C14orf39: variants seen among roughly 807,000 people sequenced by gnomAD.
C14orf39 encodes the protein chromosome 14 open reading frame 39.
Under a neutral mutation model 85.6 loss-of-function variants are expected in C14orf39, and 66 were observed. The observed-to-expected ratio is 0.77, with a 90% CI of 0.63 to 0.95. The LOEUF (loss-of-function observed/expected upper bound fraction) is 0.95. C14orf39 is among the 40% of genes least tolerant of loss of function. C14orf39 has a pLI of 0.00. For missense variants in C14orf39, 735 were observed against 663.9 expected (o/e 1.11, Z -1.18); for synonymous variants, 242 against 214.0 (o/e 1.13, Z -1.14).
At position 60,483,774 on chromosome 14, in the gene C14orf39, C is replaced by A. The variant is rs1892752816; in HGVS notation, c.150G>T (p.Arg50Ser). ...CTGTTGCATTTATAGTTTCGTGTAT[C>A]CTACAAATAGTTACTTTGTTTTCCT... ...DIKENKVTICRIHETINATDE... is the reference protein window; with the variant it reads ...DIKENKVTICSIHETINATDE... The change falls in exon 4 of 18, where the codon AGG becomes AGT. Residue 50 changes from arginine to serine, a missense_variant. Coordinates refer to ENST00000321731, the MANE Select transcript of C14orf39 (RefSeq NM_174978.3). The A allele has an allele frequency of 1.3e-6, 2 of 1,556,936 alleles. No individual in the cohort carries two copies. Among genetic ancestry groups the A allele is most frequent in the Non-Finnish European group, 1.8e-6 (2 of 1,132,210 alleles).
At chr14:60,454,061 C>A (rs190581683) in intron 16 of C14orf39, among the ~76,000 whole-genome samples, 1 of 151,866 alleles carries the variant, frequency 6.6e-6, no homozygotes, top group Non-Finnish European at 1.5e-5. Context: ...TCATGCCTAG[C>A]ATACTCCTAG....
In C14orf39 at chr14:60,507,565, C is replaced by T. The variant is rs149273562; in HGVS notation, c.-144+7830G>A. Among the ~76,000 whole-genome samples the T allele has an allele frequency of 6.9e-3, 1,047 of 152,292 alleles. 13 individuals are homozygous for T. The highest frequency in any genetic ancestry group is 0.023 in the African/African-American group (976 of 41,552). On this transcript the variant is annotated intron_variant, in intron 1 of 5. Coordinates refer to the C14orf39 transcript ENST00000556799. ...AGAAATGATGTAAATGGTTTCAGGG[C>T]TTTTTTCTTCCCCTCTGCTATTTTT...
intron 1 of C14orf39, chr14:60,511,227 C>A: frequency 1.2e-6 from 2 of 1,613,404 alleles, no homozygotes; most frequent in Non-Finnish European, 1.7e-6. Context: ...TCCATCACGT[C>A]CAGCGACAGC....
chr14:60,477,569 TTCTC>T (rs1394410876), intron 5 of C14orf39, among the ~76,000 whole-genome samples: 5 of 152,218 alleles, frequency 3.3e-5, no homozygotes, highest in South Asian at 4.1e-4. Context: ...TTATTGGTGT[TTCTC>T]TATTAGAATA....
intron 1 of C14orf39, chr14:60,509,954 G>C (rs1893265555): frequency 1.9e-6 from 3 of 1,605,420 alleles, no homozygotes; most frequent in African/African-American, 1.3e-5. Flanking sequence ...GGACCGAGCG[G>C]CTGCAGCCAA....
chr14:60,499,900 A>G (rs1893116087), intron 1 of C14orf39, among the ~76,000 whole-genome samples: 1 of 152,270 alleles, frequency 6.6e-6, no homozygotes, highest in Non-Finnish European at 1.5e-5. Flanking sequence ...ATTAACATGT[A>G]TAACCTCATT....
chr14:60,437,772 T>G (rs1309823264), intron 17 of C14orf39, among the ~76,000 whole-genome samples: 2 of 151,986 alleles, frequency 1.3e-5, no homozygotes, highest in South Asian at 4.1e-4. Flanking sequence ...CAACTATTAT[T>G]TATTGAGTCA....
intron 17 of C14orf39, among the ~76,000 whole-genome samples, chr14:60,440,083 A>C (rs769939018): frequency 4.6e-5 from 7 of 152,244 alleles, no homozygotes; most frequent in East Asian, 1.9e-4. Context: ...CTCAAAAAAA[A>C]AGAGGATGTA....
In C14orf39 at chr14:60,478,293, A is replaced by G; in HGVS notation, c.323+7T>C. 2.8e-6 allele frequency: 4 copies of G among 1,429,342 alleles called. No individual in the cohort carries two copies. Among genetic ancestry groups the G allele is most frequent in the Non-Finnish European group, 3.8e-6 (4 of 1,044,348 alleles). 88.5% of individuals were successfully genotyped at this position (1,429,342 alleles called of 1,614,324 possible). A position where few individuals can be genotyped will look rare whatever the true frequency, so the allele number is the denominator to read the frequency against. ...TAGAATTGATAAACTTCATATAAGT[A>G]CTATACTTGTCTTTTTCAACAGTTC... On this transcript the variant is annotated splice_region_variant and intron_variant, in intron 5 of 17. Coordinates refer to ENST00000321731, the MANE Select transcript of C14orf39 (RefSeq NM_174978.3).
upstream of C14orf39, among the ~76,000 whole-genome samples, chr14:60,486,647 A>C (rs1185294415): frequency 6.6e-6 from 1 of 152,232 alleles, no homozygotes; most frequent in Non-Finnish European, 1.5e-5. Context: ...AAAATCATTA[A>C]GCAGTTCAGT....
At chr14:60,472,400 TTTTTTC>T (rs1056383598) in intron 5 of C14orf39, among the ~76,000 whole-genome samples, 2 of 152,054 alleles carry the variant, frequency 1.3e-5, no homozygotes, top group African/African-American at 4.8e-5. Context: ...ACATTAACCT[TTTTTTC>T]TTTTTTATTA....
In C14orf39 at chr14:60,468,492, C is replaced by T. The variant is rs1258307665; in HGVS notation, c.720G>A (p.Leu240=). 1.9e-6 allele frequency: 3 copies of T among 1,595,954 alleles called. No individual in the cohort carries two copies. Among genetic ancestry groups the T allele is most frequent in the Admixed American group, 3.4e-5 (2 of 58,394 alleles). ...TTTCTGTATTTTTGTTCTTTTCTTC[C>T]AGAGTTTCTGAAAGAGCCTTAGTTT... ...HNETKALSET[L]EEKNKNTENR... Residue 240 remains leucine (L), a synonymous_variant, in exon 9 of 18, where the codon CTG becomes CTA. Coordinates refer to ENST00000321731, the MANE Select transcript of C14orf39 (RefSeq NM_174978.3).
intron 4 of C14orf39, 55 bp from the exon 5 acceptor site, chr14:60,478,444 A>G (rs1465680961): frequency 1.1e-5 from 9 of 837,884 alleles, no homozygotes; most frequent in Non-Finnish European, 1.6e-5. Context: ...ACAAATTGAT[A>G]GAGATAATAA....
In C14orf39 at chr14:60,491,816, TTCTCTCTC is replaced by T. The variant is rs139438459; in HGVS notation, c.-8-6738_-8-6731del. On this transcript the variant is annotated intron_variant, in intron 2 of 5. Transcript: ENST00000556799. The surrounding 1 kb of genome is among the most constrained non-coding windows in gnomAD (Gnocchi z 4.5). ...AAATGTAAATATTCTCTCTCTCTTTTTCTCTCTCTCTCTCTCTCTCACACACACACACA... is the reference window on the plus strand; with the variant it reads ...AAATGTAAATATTCTCTCTCTCTTTTTCTCTCTCTCTCACACACACACACA... Among the ~76,000 whole-genome samples, 270 of 150,068 alleles carry T rather than the reference TTCTCTCTC, an allele frequency of 1.8e-3. No individual in the cohort carries two copies. Among genetic ancestry groups the T allele is most frequent in the African/African-American group, 6.1e-3 (252 of 41,038 alleles).
At chr14:60,452,699 C>G (rs1595451396) in intron 16 of C14orf39, among the ~76,000 whole-genome samples, 1 of 152,056 alleles carries the variant, frequency 6.6e-6, no homozygotes, top group East Asian at 1.9e-4. Flanking sequence ...GATGGATACT[C>G]TCCCTTTCTA....
At chr14:60,514,112 T>G (rs1893329699) in intron 1 of C14orf39, among the ~76,000 whole-genome samples, 1 of 152,226 alleles carries the variant, frequency 6.6e-6, no homozygotes, top group Admixed American at 6.5e-5. Context: ...TATTGGAAAT[T>G]AGTCCAGATC....
At chr14:60,505,644 T>G (rs1465827588) in intron 1 of C14orf39, among the ~76,000 whole-genome samples, 2 of 152,190 alleles carry the variant, frequency 1.3e-5, no homozygotes, top group Non-Finnish European at 2.9e-5. Flanking sequence ...CACAAATGTC[T>G]TTATCAAGGA....
At chr14:60,514,947 G>C (rs1893343098) in intron 1 of C14orf39, among the ~76,000 whole-genome samples, 1 of 152,164 alleles carries the variant, frequency 6.6e-6, no homozygotes, top group African/African-American at 2.4e-5. Context: ...GGCTAATGAC[G>C]GCGGCCGGGC....
intron 17 of C14orf39, among the ~76,000 whole-genome samples, chr14:60,440,633 G>A (rs1239661876): frequency 1.3e-5 from 2 of 151,908 alleles, no homozygotes; most frequent in Non-Finnish European, 2.9e-5. Flanking sequence ...TTTAAAACCT[G>A]TCAGATCATT....
Sources: gnomAD v4.1 joint callset for allele counts (sites outside exome capture counted in the v4.1 genomes callset) on GRCh38, gnomAD v4.1.1 for gene constraint, Gnocchi (gnomAD v3.1) non-coding constraint, MANE v1.5 for transcripts, NCBI Gene and HGNC (gene_info 2026-07-23, HGNC 2026-07-21) for gene names.